Variants in NEB observed in about 807,000 individuals in gnomAD.
NEB encodes nemaline myopathy type 2.
A neutral mutation model predicts 952.2 loss-of-function variants in NEB; 512 were observed. That is an observed-to-expected ratio of 0.54 (90% CI 0.50 to 0.58). NEB has a LOEUF of 0.58. NEB is among the 20% of genes least tolerant of loss of function. The probability of loss-of-function intolerance (pLI) is 0.00; values close to 1 mark genes in which losing one functional copy is unlikely to be tolerated. For synonymous variants in NEB, 2,900 were observed against 3,149.8 expected, an observed-to-expected ratio of 0.92 and a Z score of 2.66; for missense variants, 8,428 against 9,231.1, an observed-to-expected ratio of 0.91 and a Z score of 3.56.
intron 161 of NEB, among the ~76,000 whole-genome samples, chr2:151,509,446 G>A (rs1249276956): frequency 6.6e-6 from 1 of 152,048 alleles, no homozygotes; most frequent in East Asian, 1.9e-4. Flanking sequence ...GGTTTGCAGA[G>A]CTGGTGCTAA....
chr2:151,512,126 G>A lies in NEB; in HGVS notation c.23346+607C>T, dbSNP rs1046976463. On this transcript the variant is annotated intron_variant, in intron 161 of 181. Transcript: ENST00000397345. Reference sequence around the variant, plus strand: ...GCTCACTGCAAGCTCTGCCTCCCGGGTTCACGCCATTCTCCTGCCTCAGCC... The same window carrying A: ...GCTCACTGCAAGCTCTGCCTCCCGGATTCACGCCATTCTCCTGCCTCAGCC... Among the ~76,000 whole-genome samples, 9 of 148,412 alleles carry A rather than the reference G, an allele frequency of 6.1e-5. No individual in the cohort carries two copies. The East Asian group carries it at 1.8e-3, about 30-fold the overall frequency.
At chr2:151,492,018 C>T in intron 178 of NEB, 80 bp downstream of exon 178, 2 of 1,417,742 alleles carry the variant, frequency 1.4e-6, no homozygotes, top group South Asian at 2.5e-5. Context: ...TATGTTTTGA[C>T]TTGATGTAGG....
In NEB at chr2:151,498,200, G is replaced by GTAAAA. The variant is rs2061646167; in HGVS notation, c.24207+59_24207+60insTTTTA. 1.9e-6 allele frequency: 3 copies of GTAAAA among 1,548,498 alleles called. No individual in the cohort carries two copies. The African/African-American group carries it at 4.1e-5, about 21-fold the overall frequency. On this transcript the variant is annotated intron_variant, in intron 170 of 181. Coordinates refer to ENST00000397345, the MANE Select transcript of NEB (RefSeq NM_001164508.2). ...GGGCTTCAAACAAAAATAAATAAAT[G>GTAAAA]TAAAGATCAGTTTAATTCTGAAGTT...
chr2:151,497,119 G>C, intron 171 of NEB, 86 bp from the exon 172 acceptor site: 2 of 1,455,508 alleles, frequency 1.4e-6, no homozygotes, highest in Non-Finnish European at 1.9e-6. Flanking sequence ...CAGCTTCCTT[G>C]TTAAGACAAA....
At chr2:151,669,199 C>A in intron 38 of NEB, 68 bp from the exon 39 acceptor site, 1 of 1,132,342 alleles carries the variant, frequency 8.8e-7, no homozygotes, top group Non-Finnish European at 1.3e-6. Flanking sequence ...CAAGCAGAGA[C>A]TCCTTTAAAA....
At chr2:151,656,535 T>C in intron 48 of NEB, 71 bp from the exon 49 acceptor site, 1 of 865,396 alleles carries the variant, frequency 1.2e-6, no homozygotes, top group Non-Finnish European at 1.6e-6. Flanking sequence ...GTCAATATGC[T>C]ATATTATTTT....
At chr2:151,538,655 C>A (rs865798110) in intron 138 of NEB, among the ~76,000 whole-genome samples, 8 of 151,228 alleles carry the variant, frequency 5.3e-5, no homozygotes, top group Non-Finnish European at 7.4e-5. Flanking sequence ...AAAAAAAAAA[C>A]CCAAACAAAC....
chr2:151,621,321 A>G (rs1340168422), intron 71 of NEB, among the ~76,000 whole-genome samples: 18 of 152,338 alleles, frequency 1.2e-4, no homozygotes. Context: ...TGCCCTTTTC[A>G]TGAAACAATC....
chr2:151,610,148 C>A (rs1255257518), intron 80 of NEB, 28 bp from the exon 81 acceptor site: 3 of 1,563,782 alleles, frequency 1.9e-6, no homozygotes, highest in Non-Finnish European at 1.7e-6. Context: ...CAGGTGGAGA[C>A]ATCCAGTTTT....
chr2:151,697,373 T>G lies in NEB; in HGVS notation c.1342A>C (p.Lys448Gln), dbSNP rs377647449. ...ACATCACTGTTTTGAGCTGTGACTT[T>G]CATGCAGTGTGAATGGTATGGATCC... is the stretch of plus-strand genomic sequence containing the variant. ...FEDPYHSHCM[K>Q]VTAQNSDKNY... Residue 448 changes from lysine (K) to glutamine (Q), a missense_variant, in exon 15 of 182, where the codon AAA (lysine) becomes CAA (glutamine). By Grantham distance (53) the Lys-to-Gln change is moderately conservative (BLOSUM62 1). This residue lies in a region of NEB where 2,851 missense variants were observed against 2,791.5 expected (regional missense o/e 1.02). Transcript: ENST00000397345. 1 of 1,613,810 alleles carries G rather than the reference T, an allele frequency of 6.2e-7. No individual in the cohort carries two copies. Among genetic ancestry groups the G allele is most frequent in the Non-Finnish European group, 8.5e-7 (1 of 1,179,814 alleles).
intron 10 of NEB, among the ~76,000 whole-genome samples, chr2:151,715,563 G>A (rs954177658): frequency 1.8e-4 from 27 of 152,340 alleles, no homozygotes; most frequent in African/African-American, 5.3e-4. Flanking sequence ...AGAAGAGGAA[G>A]AAGAGGAAGA....
At chr2:151,494,536 A>G (rs1050553071) in intron 173 of NEB, among the ~76,000 whole-genome samples, 21 of 152,332 alleles carry the variant, frequency 1.4e-4, no homozygotes, top group Admixed American at 5.9e-4. Context: ...TAGTCTCTCA[A>G]TGTCAAGCCC....
At chr2:151,664,301 G>A (rs549970489) in intron 44 of NEB, among the ~76,000 whole-genome samples, 200 bp downstream of exon 44, 1 of 152,302 alleles carries the variant, frequency 6.6e-6, no homozygotes, top group African/African-American at 2.4e-5. Flanking sequence ...ATTTTAACAA[G>A]ACTCAGTCAC....
At chr2:151,705,367 C>T (rs904660959) in intron 13 of NEB, among the ~76,000 whole-genome samples, 25 of 152,190 alleles carry the variant, frequency 1.6e-4, no homozygotes, top group African/African-American at 5.3e-4. Flanking sequence ...TTTTTATATT[C>T]CTGTCTTTAT....
rs11436329 is a variant in NEB, at chr2:151,546,308, CG to C, written c.20466+36del. On this transcript the variant is annotated intron_variant, in intron 134 of 181. Transcript: ENST00000397345. Reference sequence around the variant, plus strand: ...CTGGTGATGGGGGCATCCAGCTGTGCGGGGGGTAATTATGCATTGTGATGAT... The same window carrying C: ...CTGGTGATGGGGGCATCCAGCTGTGCGGGGGTAATTATGCATTGTGATGAT... 2.0e-6 allele frequency: 3 copies of C among 1,518,610 alleles called. No individual in the cohort carries two copies. The South Asian group carries it at 3.5e-5, about 18-fold the overall frequency. The allele number at this position is 1,518,610 out of a possible 1,614,324, so 94.1% of individuals were successfully genotyped here.
rs1342444561 is a variant in NEB, at chr2:151,635,904, T to C, written c.9102+323A>G. ...CTAAGTTTATGAGTTATATCTTCTA[T>C]AAGCTTTTCTATAAGCCGGTGATAA... is the stretch of plus-strand genomic sequence containing the variant. On this transcript the variant is annotated intron_variant, in intron 64 of 181. Transcript: ENST00000397345. Among the ~76,000 whole-genome samples, 5 of 152,196 alleles carry C rather than the reference T, an allele frequency of 3.3e-5. No homozygotes were observed. The East Asian group carries it at 7.7e-4, about 23-fold the overall frequency.
chr2:151,678,677 G>A (rs894311716), intron 32 of NEB, among the ~76,000 whole-genome samples: 18 of 152,128 alleles, frequency 1.2e-4, no homozygotes, highest in Non-Finnish European at 2.2e-4. Flanking sequence ...CCAGAGCCAG[G>A]AGGGGGTAAA....
intron 32 of NEB, among the ~76,000 whole-genome samples, chr2:151,679,237 G>A (rs931058528): frequency 9.2e-5 from 14 of 152,256 alleles, no homozygotes; most frequent in Non-Finnish European, 2.1e-4. Flanking sequence ...AGATAAATAG[G>A]ATAAGAAATA....
At chr2:151,722,125 G>C (rs960622106) in intron 9 of NEB, among the ~76,000 whole-genome samples, 5 of 152,168 alleles carry the variant, frequency 3.3e-5, no homozygotes, top group Non-Finnish European at 7.3e-5. Flanking sequence ...AGTCTGAACT[G>C]GCTTACTAAG....
Sources: gnomAD v4.1 joint callset for allele counts (sites outside exome capture counted in the v4.1 genomes callset) on GRCh38, gnomAD v4.1.1 for gene constraint, gnomAD v4.1.1 regional missense constraint, MANE v1.5 for transcripts, NCBI Gene and HGNC (gene_info 2026-07-23, HGNC 2026-07-21) for gene names.